The following TMEM71 variants were observed in gnomAD, a reference collection of about 807,000 sequenced individuals.
The protein encoded by TMEM71 is transmembrane protein 71.
TMEM71 carries 44 observed loss-of-function variants against 38.0 expected under a neutral mutation model. The observed-to-expected ratio is 1.16, with a 90% CI of 0.91 to 1.49. TMEM71 has a LOEUF of 1.49. TMEM71 is among the 40% of genes most tolerant of loss of function. The pLI is 0.00. For synonymous variants in TMEM71, 133 were observed against 122.5 expected (o/e 1.09, Z -0.56); for missense variants, 367 against 348.6 (o/e 1.05, Z -0.42).
chr8:132,717,580 G>T (rs745647472), intron 7 of TMEM71, among the ~76,000 whole-genome samples: 3 of 152,162 alleles, frequency 2.0e-5, no homozygotes, highest in Admixed American at 1.3e-4. Context: ...TAGTCAAAAA[G>T]ACAGACAATA....
chr8:132,753,532 G>A (rs1037748369), intron 3 of TMEM71, among the ~76,000 whole-genome samples: 27 of 152,094 alleles, frequency 1.8e-4, no homozygotes, highest in African/African-American at 3.9e-4. Flanking sequence ...CTGTATTTCC[G>A]ACAAACATTG....
intron 5 of TMEM71, among the ~76,000 whole-genome samples, chr8:132,735,918 A>G (rs1827721995): frequency 6.6e-6 from 1 of 152,228 alleles, no homozygotes. Flanking sequence ...TAAATGCCCT[A>G]AACAGAAAGT....
chr8:132,746,759 A>G (rs911664748), intron 5 of TMEM71, among the ~76,000 whole-genome samples, 183 bp downstream of exon 5: 4 of 152,146 alleles, frequency 2.6e-5, no homozygotes, highest in African/African-American at 9.7e-5. Context: ...CATGACATAG[A>G]CACATATGTG....
At chr8:132,756,404 A>G (rs924777576) in intron 3 of TMEM71, among the ~76,000 whole-genome samples, 1 of 60,142 alleles carries the variant, frequency 1.7e-5, no homozygotes, top group Non-Finnish European at 3.2e-5. Flanking sequence ...TGACACTAAC[A>G]TATATATTAT....
intron 7 of TMEM71, among the ~76,000 whole-genome samples, chr8:132,720,121 AG>A (rs35526964): frequency 6.6e-6 from 1 of 152,172 alleles, no homozygotes; most frequent in East Asian, 1.9e-4. Flanking sequence ...CGTCGTATCA[AG>A]GGGACATGCA....
chr8:132,757,929 G>A (rs1449824379), intron 2 of TMEM71: 2 of 152,058 alleles, frequency 1.3e-5, no homozygotes, highest in Non-Finnish European at 2.9e-5. Context: ...CGTCTTGTGT[G>A]AAGCAGGAGA....
intron 5 of TMEM71, among the ~76,000 whole-genome samples, chr8:132,740,850 T>C (rs2472225): frequency 0.31 from 47,157 of 152,012 alleles, 7,529 homozygotes; most frequent in Non-Finnish European, 0.33. Context: ...GAACAGGGGG[T>C]CCTGTATTTT....
chr8:132,722,206 CA>C, intron 6 of TMEM71, 91 bp from the exon 7 acceptor site: 18 of 828,248 alleles, frequency 2.2e-5, no homozygotes, highest in South Asian at 8.7e-5. Context: ...CCCTTGTACC[CA>C]CCAAAAAAAA....
intron 5 of TMEM71, among the ~76,000 whole-genome samples, chr8:132,728,658 A>G (rs938896828): frequency 3.3e-5 from 5 of 152,262 alleles, no homozygotes; most frequent in African/African-American, 1.2e-4. Flanking sequence ...GATGGATTTA[A>G]AGGATATGTA....
chr8:132,737,339 T>A (rs770685586), intron 5 of TMEM71, among the ~76,000 whole-genome samples: 2 of 152,232 alleles, frequency 1.3e-5, no homozygotes, highest in African/African-American at 2.4e-5. Context: ...GAGAGATAAC[T>A]TCTCCTTTGC....
intron 5 of TMEM71, among the ~76,000 whole-genome samples, chr8:132,744,410 G>A (rs2433067): frequency 0.3 from 45,464 of 151,922 alleles, 6,989 homozygotes; most frequent in Non-Finnish European, 0.33. Flanking sequence ...TGAGAGCCAA[G>A]TCAAGAATGC....
At chr8:132,740,561 T>C (rs1827979992) in intron 5 of TMEM71, among the ~76,000 whole-genome samples, 1 of 152,186 alleles carries the variant, frequency 6.6e-6, no homozygotes, top group South Asian at 2.1e-4. Context: ...TGGCCCTCAA[T>C]AAAATCTTCC....
downstream of TMEM71, among the ~76,000 whole-genome samples, chr8:132,708,205 A>T (rs966271710): frequency 6.6e-6 from 1 of 152,156 alleles, no homozygotes; most frequent in African/African-American, 2.4e-5. Flanking sequence ...GAGGCTGGCC[A>T]TTGGCAGAGA....
Position 132,751,906 on chromosome 8 carries a change from G to T in TMEM71, c.193C>A (p.Pro65Thr). ...TGSHYTCRRS[P>T]RLLTNGYYIW... Reference sequence around the variant, plus strand: ...TAGTAGCCATTGGTGAGGAGTCTGGGACTTCGGCGACAGGTATAGTGGGAG... The same window carrying T: ...TAGTAGCCATTGGTGAGGAGTCTGGTACTTCGGCGACAGGTATAGTGGGAG... The change falls in exon 4 of 10, where the codon CCC becomes ACC. Residue 65 changes from proline (P) to threonine (T), a missense_variant. Transcript: ENST00000677595. 6.2e-7 allele frequency: 1 copy of T among 1,614,060 alleles called. No individual in the cohort carries two copies.
chr8:132,728,105 G>A, intron 5 of TMEM71, 119 bp from the exon 6 acceptor site: 1 of 724,584 alleles, frequency 1.4e-6, no homozygotes, highest in Non-Finnish European at 2.2e-6. Flanking sequence ...TAGTAATATT[G>A]ATACGGTATT....
chr8:132,765,455 C>T (rs529196911), upstream of TMEM71, among the ~76,000 whole-genome samples: 1 of 152,218 alleles, frequency 6.6e-6, no homozygotes, highest in African/African-American at 2.4e-5. Flanking sequence ...AGAGTATACC[C>T]GGCAATGAGG....
intron 3 of TMEM71, among the ~76,000 whole-genome samples, chr8:132,754,541 T>C (rs1390907934): frequency 1.3e-5 from 2 of 152,208 alleles, no homozygotes; most frequent in East Asian, 3.8e-4. Context: ...CAAATGTGAA[T>C]CTGTGCAGTA....
At chr8:132,772,218 A>C in the TMEM71 span, among the ~76,000 whole-genome samples, 1 of 152,186 alleles carries the variant, frequency 6.6e-6, no homozygotes, top group African/African-American at 2.4e-5. Context: ...ATTCCAGGAG[A>C]CATTATGGTT....
chr8:132,731,252 T>C (rs537162571), intron 5 of TMEM71, among the ~76,000 whole-genome samples: 64 of 152,288 alleles, frequency 4.2e-4, no homozygotes, highest in African/African-American at 1.5e-3. Context: ...ATAATAGATA[T>C]AGACCCTAGT....
Sources: gnomAD v4.1 joint callset for allele counts (sites outside exome capture counted in the v4.1 genomes callset) on GRCh38, gnomAD v4.1.1 for gene constraint, MANE v1.5 for transcripts, NCBI Gene and HGNC (gene_info 2026-07-23, HGNC 2026-07-21) for gene names.